SLC10A7: variants seen among roughly 807,000 people sequenced by gnomAD.
SLC10A7 encodes sodium/bile acid cotransporter 7.
SLC10A7 carries 29 observed loss-of-function variants against 43.2 expected under a neutral mutation model. The observed-to-expected ratio is 0.67, with a 90% CI of 0.50 to 0.92. The LOEUF is 0.92. Ranked by LOEUF, SLC10A7 falls within the 40% of genes least tolerant of loss-of-function variation. The pLI, the probability that SLC10A7 is intolerant of heterozygous loss-of-function variation, is 0.00. For synonymous variants in SLC10A7, 152 were observed against 144.8 expected, an observed-to-expected ratio of 1.05 and a Z score of -0.35; for missense variants, 295 against 403.2, an observed-to-expected ratio of 0.73 and a Z score of 2.30.
chr4:146,299,260 A>G (rs17021362), intron 7 of SLC10A7, among the ~76,000 whole-genome samples: 13,932 of 152,268 alleles, frequency 0.091, 837 homozygotes, highest in East Asian at 0.24. Context: ...ATTCCTCTGA[A>G]CTAGCACATA....
At chr4:146,378,319 T>C (rs750544098) in intron 5 of SLC10A7, among the ~76,000 whole-genome samples, 3 of 152,162 alleles carry the variant, frequency 2.0e-5, no homozygotes, top group Non-Finnish European at 4.4e-5. Flanking sequence ...TTAGAAAACA[T>C]GGGAGAATAA....
chr4:146,349,562 A>G (rs994544418), intron 5 of SLC10A7, among the ~76,000 whole-genome samples: 8 of 152,242 alleles, frequency 5.3e-5, no homozygotes, highest in Non-Finnish European at 1.2e-4. Flanking sequence ...ATGCACAAGC[A>G]TGTTCACTGC....
intron 5 of SLC10A7, among the ~76,000 whole-genome samples, chr4:146,363,853 A>G (rs778265890): frequency 1.3e-5 from 2 of 152,136 alleles, no homozygotes; most frequent in Non-Finnish European, 2.9e-5. Flanking sequence ...CAACAAAAGC[A>G]CCACTAAGAG....
intron 5 of SLC10A7, among the ~76,000 whole-genome samples, chr4:146,342,332 T>C (rs1734323609): frequency 6.6e-6 from 1 of 151,794 alleles, no homozygotes; most frequent in Non-Finnish European, 1.5e-5. Flanking sequence ...TTATAAGAGC[T>C]GTTGTAGATA....
At chr4:146,317,045 C>A (rs1190188440) in intron 6 of SLC10A7, among the ~76,000 whole-genome samples, 1 of 152,070 alleles carries the variant, frequency 6.6e-6, no homozygotes, top group Non-Finnish European at 1.5e-5. Context: ...CTGGTACTGG[C>A]TGCCAATTAA....
chr4:146,269,613 C>A (rs1014971955), intron 10 of SLC10A7, among the ~76,000 whole-genome samples: 2 of 152,182 alleles, frequency 1.3e-5, no homozygotes, highest in Admixed American at 1.3e-4. Context: ...AACATAGTCA[C>A]CAACACAGAA....
At chr4:146,493,442 C>T (rs77195291) in intron 4 of SLC10A7, among the ~76,000 whole-genome samples, 5 of 151,110 alleles carry the variant, frequency 3.3e-5, no homozygotes, top group South Asian at 4.2e-4. Flanking sequence ...GCTGAGACTG[C>T]GCCATTGCAC....
At chr4:146,515,473 A>G (rs1737865346) in intron 2 of SLC10A7, among the ~76,000 whole-genome samples, 1 of 152,240 alleles carries the variant, frequency 6.6e-6, no homozygotes, top group Non-Finnish European at 1.5e-5. Context: ...TTGTTTACCA[A>G]AATTGGAATT....
At chr4:146,388,483 G>A (rs1024186110) in intron 5 of SLC10A7, among the ~76,000 whole-genome samples, 14 of 152,080 alleles carry the variant, frequency 9.2e-5, no homozygotes, top group Non-Finnish European at 2.9e-5. Context: ...AAGAGGCTGC[G>A]CATGGTGGAT....
At chr4:146,501,677 C>T (rs1015864099) in intron 4 of SLC10A7, among the ~76,000 whole-genome samples, 1 of 152,168 alleles carries the variant, frequency 6.6e-6, no homozygotes, top group Non-Finnish European at 1.5e-5. Flanking sequence ...GAAATAAATG[C>T]ATATTTTTAA....
Position 146,263,273 on chromosome 4 carries a change from G to A in SLC10A7, c.848-4436C>T, listed in dbSNP as rs755092646. Among the ~76,000 whole-genome samples the A allele has an allele frequency of 5.3e-5, 8 of 152,230 alleles. No individual in the cohort carries two copies. In the South Asian group the frequency reaches 6.2e-4, roughly 12 times the overall value. On this transcript the variant is annotated intron_variant, in intron 10 of 11. Transcript: ENST00000335472. ...GCCAGGGCATTCCAGCCTCACCTTCGCTACCCTTATTATCATTGCCTGCTT... is the reference window on the plus strand; with the variant it reads ...GCCAGGGCATTCCAGCCTCACCTTCACTACCCTTATTATCATTGCCTGCTT...
chr4:146,403,300 G>A (rs956350973), intron 5 of SLC10A7, among the ~76,000 whole-genome samples: 3 of 151,976 alleles, frequency 2.0e-5, no homozygotes, highest in African/African-American at 7.3e-5. Context: ...TTAATTTCTG[G>A]ACTTGAGTTT....
chr4:146,441,328 A>G (rs571757487), intron 5 of SLC10A7, among the ~76,000 whole-genome samples: 1 of 152,306 alleles, frequency 6.6e-6, no homozygotes, highest in African/African-American at 2.4e-5. Flanking sequence ...AAAATATGAT[A>G]CATTCATATA....
chr4:146,510,181 A>G, intron 2 of SLC10A7, 132 bp from the exon 3 acceptor site: 1 of 684,718 alleles, frequency 1.5e-6, no homozygotes, highest in African/African-American at 1.8e-5. Flanking sequence ...TTTATCTATA[A>G]GTATATGCAT....
intron 5 of SLC10A7, among the ~76,000 whole-genome samples, chr4:146,374,935 G>A (rs1054798159): frequency 1.3e-5 from 2 of 152,158 alleles, no homozygotes; most frequent in African/African-American, 2.4e-5. Flanking sequence ...ACTAGGTGTG[G>A]TGGCTTACGC....
At chr4:146,510,508 C>T (rs775985690) in intron 2 of SLC10A7, among the ~76,000 whole-genome samples, 4 of 152,118 alleles carry the variant, frequency 2.6e-5, no homozygotes, top group Admixed American at 2.0e-4. Context: ...ATCTGCCCCC[C>T]TCAGCTTCCC....
At chr4:146,317,854 T>A (rs1732430090) in intron 6 of SLC10A7, among the ~76,000 whole-genome samples, 1 of 152,046 alleles carries the variant, frequency 6.6e-6, no homozygotes, top group Non-Finnish European at 1.5e-5. Context: ...TTGGCTTCTC[T>A]GATTCTCAGT....
At chr4:146,430,274 G>A (rs1409346647) in intron 5 of SLC10A7, among the ~76,000 whole-genome samples, 2 of 152,060 alleles carry the variant, frequency 1.3e-5, no homozygotes, top group Non-Finnish European at 2.9e-5. Context: ...ATTAGATAGT[G>A]GGTAATTAAG....
chr4:146,304,312 C>T (rs1380067921), intron 7 of SLC10A7, among the ~76,000 whole-genome samples: 1 of 151,304 alleles, frequency 6.6e-6, no homozygotes, highest in Non-Finnish European at 1.5e-5. Flanking sequence ...TGCTTGTTCC[C>T]AACAATGGTC....
Sources: gnomAD v4.1 joint callset for allele counts (sites outside exome capture counted in the v4.1 genomes callset) on GRCh38, gnomAD v4.1.1 for gene constraint, MANE v1.5 for transcripts, NCBI Gene and HGNC (gene_info 2026-07-23, HGNC 2026-07-21) for gene names.